Variants in DENND1A observed in about 807,000 individuals in gnomAD.
DENND1A encodes DENN domain-containing protein 1A.
In DENND1A, 51 loss-of-function variants were observed where a neutral mutation model predicts 113.7. The observed-to-expected ratio is 0.45, with a 90% CI of 0.36 to 0.57. The LOEUF (loss-of-function observed/expected upper bound fraction) is 0.57. DENND1A is among the 20% of genes least tolerant of loss of function. DENND1A has a pLI of 0.00. For synonymous variants in DENND1A, 565 were observed against 570.8 expected (o/e 0.99, Z 0.14); for missense variants, 1,258 against 1,395.9 (o/e 0.90, Z 1.57).
intron 9 of DENND1A, among the ~76,000 whole-genome samples, chr9:123,651,167 C>T (rs1055782468): frequency 2.0e-5 from 3 of 151,778 alleles, no homozygotes; most frequent in African/African-American, 4.8e-5. Flanking sequence ...ATATTATACA[C>T]ACAGCAAAAG....
intron 5 of DENND1A, among the ~76,000 whole-genome samples, chr9:123,702,378 G>A (rs1286482339): frequency 1.3e-5 from 2 of 152,006 alleles, no homozygotes; most frequent in African/African-American, 2.4e-5. Context: ...TAAAGAGGTA[G>A]GAAAGCTTAT....
chr9:123,483,184 C>T (rs2133766479), intron 13 of DENND1A, among the ~76,000 whole-genome samples: 1 of 152,328 alleles, frequency 6.6e-6, no homozygotes, highest in Middle Eastern at 3.4e-3. Flanking sequence ...CCCTACTACA[C>T]TGAGTGCTTT....
chr9:123,400,332 C>G (rs2043366252), intron 21 of DENND1A: 1 of 152,192 alleles, frequency 6.6e-6, no homozygotes, highest in Admixed American at 6.5e-5. Flanking sequence ...TTAAGGCCTC[C>G]TTTAAAAAAA....
At chr9:123,809,990 A>G (rs1368086441) in intron 2 of DENND1A, among the ~76,000 whole-genome samples, 1 of 152,174 alleles carries the variant, frequency 6.6e-6, no homozygotes, top group Non-Finnish European at 1.5e-5. Context: ...AGAATTTTAA[A>G]GGCTCCTTTT....
At chr9:123,834,708 T>C (rs1358257307) in intron 2 of DENND1A, among the ~76,000 whole-genome samples, 1 of 152,138 alleles carries the variant, frequency 6.6e-6, no homozygotes, top group Non-Finnish European at 1.5e-5. Flanking sequence ...TTCTCAATGA[T>C]AGACGAGCAA....
chr9:123,391,508 G>A (rs1358697804), intron 21 of DENND1A, among the ~76,000 whole-genome samples: 1 of 152,198 alleles, frequency 6.6e-6, no homozygotes, highest in East Asian at 1.9e-4. Flanking sequence ...GCTAGGAACT[G>A]AATGTGGATT....
intron 5 of DENND1A, among the ~76,000 whole-genome samples, chr9:123,743,727 C>T (rs997194588): frequency 6.8e-6 from 1 of 147,628 alleles, no homozygotes; most frequent in African/African-American, 2.5e-5. Flanking sequence ...AGTGAAACTG[C>T]ATCTCAAAAA....
At chr9:123,918,780 A>G (rs1855704676) in intron 1 of DENND1A, among the ~76,000 whole-genome samples, 1 of 152,180 alleles carries the variant, frequency 6.6e-6, no homozygotes, top group Non-Finnish European at 1.5e-5. Context: ...AAGAAGTGAT[A>G]GAAACAAAAT....
chr9:123,905,662 C>G (rs1355783716), intron 1 of DENND1A, among the ~76,000 whole-genome samples: 15 of 150,558 alleles, frequency 1.0e-4, no homozygotes, highest in African/African-American at 3.4e-4. Context: ...GCTAACTATC[C>G]TAAATATATA....
intron 19 of DENND1A, among the ~76,000 whole-genome samples, chr9:123,424,504 G>A (rs73664359): frequency 0.095 from 14,394 of 152,186 alleles, 700 homozygotes; most frequent in Admixed American, 0.11. Context: ...AATGTCCGTG[G>A]GATCATCAGT....
rs754123057 is a variant in DENND1A, at chr9:123,422,484, A to G, written c.1489-10655T>C. 1.3e-5 allele frequency among the ~76,000 whole-genome samples: 2 copies of G among 151,730 alleles called. No individual in the cohort carries two copies. The highest frequency in any genetic ancestry group is 2.9e-5 in the Non-Finnish European group (2 of 68,018). ...TCCCTAGTGTGTCTGTTAAAGAAAG[A>G]TAGTCAGGTTCACCAGACAGAAGGT... On this transcript the variant is annotated intron_variant, in intron 19 of 23. Transcript: ENST00000394215. This position sits in a 1 kb window ranked among gnomAD's most constrained non-coding sequence, Gnocchi z 4.8.
At chr9:123,427,680 C>T (rs1458479629) in intron 19 of DENND1A, among the ~76,000 whole-genome samples, 2 of 152,216 alleles carry the variant, frequency 1.3e-5, no homozygotes, top group Admixed American at 1.3e-4. Context: ...CTTCTGTGCA[C>T]ATTGTCAACT....
At chr9:123,762,427 G>A (rs1343873336) in intron 4 of DENND1A, among the ~76,000 whole-genome samples, 1 of 152,228 alleles carries the variant, frequency 6.6e-6, no homozygotes, top group Non-Finnish European at 1.5e-5. Context: ...GGCCTCTCCA[G>A]TAGCATTTTG....
chr9:123,829,531 C>T (rs1477450769), intron 2 of DENND1A, among the ~76,000 whole-genome samples: 2 of 151,692 alleles, frequency 1.3e-5, no homozygotes, highest in Admixed American at 6.6e-5. Context: ...TCAAAAAATC[C>T]TGAGGAAATA....
rs1388331524 is a variant in DENND1A at position 123,841,494 on chromosome 9, G to A, written c.88+37457C>T. On this transcript the variant is annotated intron_variant, in intron 2 of 23. Transcript: ENST00000394215. ...TATTGAGATCTGGTCATACAGTGGTGAAGAAAATACTGGGTGATCACTACC... is the reference window on the plus strand; with the variant it reads ...TATTGAGATCTGGTCATACAGTGGTAAAGAAAATACTGGGTGATCACTACC... Among the ~76,000 whole-genome samples the A allele has an allele frequency of 3.9e-5, 6 of 152,128 alleles. No homozygotes were observed. The East Asian group carries it at 9.6e-4, about 24-fold the overall frequency.
chr9:123,492,732 A>T (rs1332329540), intron 13 of DENND1A: 2 of 152,178 alleles, frequency 1.3e-5, no homozygotes, highest in Non-Finnish European at 2.9e-5. Flanking sequence ...TGTGATAATG[A>T]CTGTGAAGCG....
chr9:123,638,063 AAC>A (rs2061812540), intron 9 of DENND1A, among the ~76,000 whole-genome samples: 1 of 152,150 alleles, frequency 6.6e-6, no homozygotes, highest in African/African-American at 2.4e-5. Flanking sequence ...ACAGGCAATC[AAC>A]CGCCTGCTTA....
At chr9:123,532,421 AG>A (rs2055397326) in intron 13 of DENND1A, among the ~76,000 whole-genome samples, 1 of 152,202 alleles carries the variant, frequency 6.6e-6, no homozygotes, top group African/African-American at 2.4e-5. Flanking sequence ...CCTTTAATCT[AG>A]AATAGTTCTT....
Position 123,674,342 on chromosome 9 carries a change from TCACACACACACACA to T in DENND1A, c.372+2364_372+2377del, listed in dbSNP as rs546398875. On this transcript the variant is annotated intron_variant, in intron 6 of 23. Transcript: ENST00000394215. ...CTCTGTCTCTGTCTCTGTCTCTCTCTCACACACACACACACACACACACACACACACACACACAC... is the reference window on the plus strand; with the variant it reads ...CTCTGTCTCTGTCTCTGTCTCTCTCTCACACACACACACACACACACACAC... Among the ~76,000 whole-genome samples, 401 of 132,358 alleles carry T rather than the reference TCACACACACACACA, an allele frequency of 3.0e-3. 3 individuals are homozygous for T. Among genetic ancestry groups the T allele is most frequent in the South Asian group, 0.01 (41 of 3,946 alleles). The allele number at this position is 132,358 out of a possible 152,430, so 86.8% of individuals were successfully genotyped here. A position where few individuals can be genotyped will look rare whatever the true frequency, so the allele number is the denominator to read the frequency against.
Sources: allele counts gnomAD v4.1 joint callset (sites outside exome capture counted in the v4.1 genomes callset), GRCh38; gene constraint gnomAD v4.1.1; non-coding constraint Gnocchi (gnomAD v3.1); transcripts MANE v1.5; gene names NCBI Gene and HGNC (gene_info 2026-07-23, HGNC 2026-07-21).